Variants in CTNNBIP1 observed in about 807,000 individuals in gnomAD.
The protein encoded by CTNNBIP1 is catenin beta interacting protein 1, also known as beta-catenin-interacting protein 1.
In CTNNBIP1, 7 loss-of-function variants were observed where a neutral mutation model predicts 11.8. The ratio of observed to expected loss-of-function variants is 0.60; its 90% CI spans 0.34 to 1.12. The LOEUF is 1.12. CTNNBIP1 is among the 50% of genes most tolerant of loss of function. CTNNBIP1 has a pLI of 0.03. For missense variants in CTNNBIP1, 101 were observed against 113.4 expected (o/e 0.89, Z 0.50); for synonymous variants, 58 against 43.9 (o/e 1.32, Z -1.26).
intron 1 of CTNNBIP1, among the ~76,000 whole-genome samples, chr1:9,898,832 TATTC>T (rs1162681497): frequency 1.3e-5 from 2 of 152,210 alleles, no homozygotes; most frequent in Non-Finnish European, 2.9e-5. Flanking sequence ...ATCTCTAGAT[TATTC>T]ACAGTACCTG....
At chr1:9,884,672 C>T (rs1437198318) in intron 1 of CTNNBIP1, among the ~76,000 whole-genome samples, 4 of 152,102 alleles carry the variant, frequency 2.6e-5, no homozygotes, top group Admixed American at 6.5e-5. Flanking sequence ...GCCCCAAATG[C>T]GTATGTACAT....
intron 1 of CTNNBIP1, among the ~76,000 whole-genome samples, chr1:9,899,139 G>C (rs1639470518): frequency 6.6e-6 from 1 of 152,156 alleles, no homozygotes; most frequent in African/African-American, 2.4e-5. Context: ...CTGACTAAGA[G>C]ATGGTTCATA....
chr1:9,878,441 C>A (rs2101497108), intron 2 of CTNNBIP1, among the ~76,000 whole-genome samples: 1 of 152,328 alleles, frequency 6.6e-6, no homozygotes, highest in Admixed American at 6.5e-5. Flanking sequence ...CACCCCGCAG[C>A]CTCTGTGCTC....
Position 9,878,026 on chromosome 1 carries a change from G to A in CTNNBIP1, c.-109-37C>T, listed in dbSNP as rs142054057. On this transcript the variant is annotated intron_variant, in intron 2 of 5. Coordinates refer to ENST00000377263, the MANE Select transcript of CTNNBIP1 (RefSeq NM_020248.3). The stretch of plus-strand genomic sequence containing the variant: ...CAGAACACAGGTTGTGGGAGGAGTC[G>A]GGAGGGCCCAGGCAGCTGCCAGGGC... The A allele has an allele frequency of 1.5e-3, 230 of 152,860 alleles. 1 individual carries two copies. The highest frequency in any genetic ancestry group is 4.9e-3 in the African/African-American group (204 of 41,566). The allele number at this position is 152,860 out of a possible 1,614,324, so 9.5% of individuals were successfully genotyped here. A position where few individuals can be genotyped will look rare whatever the true frequency, so the allele number is the denominator to read the frequency against.
chr1:9,871,401 T>C lies in CTNNBIP1; in HGVS notation c.97-124A>G. The C allele has an allele frequency of 1.3e-6, 1 of 744,560 alleles. No homozygotes were observed. The allele number at this position is 744,560 out of a possible 1,614,324, so 46.1% of individuals were successfully genotyped here. A position where few individuals can be genotyped will look rare whatever the true frequency, so the allele number is the denominator to read the frequency against. On this transcript the variant is annotated intron_variant, in intron 4 of 5. Transcript: ENST00000377263. The surrounding 1 kb of genome is among the most constrained non-coding windows in gnomAD (Gnocchi z 5.2). The stretch of plus-strand genomic sequence containing the variant: ...CTTGGTCCCTGCTCGGGCTTCTGTT[T>C]CTGAGATTTGACCCCTTTGCTTTCA...
At chr1:9,882,231 C>T (rs1557758123) in intron 2 of CTNNBIP1, among the ~76,000 whole-genome samples, 1 of 152,156 alleles carries the variant, frequency 6.6e-6, no homozygotes. Flanking sequence ...GCACAAGACA[C>T]AGAAGTTCAG....
intron 1 of CTNNBIP1, among the ~76,000 whole-genome samples, chr1:9,903,524 G>A (rs1393411942): frequency 6.6e-6 from 1 of 152,150 alleles, no homozygotes; most frequent in Non-Finnish European, 1.5e-5. Context: ...TTTTAACAAG[G>A]CTTCATGGAA....
rs748780168 is a variant in CTNNBIP1, at chr1:9,872,919, G to A, written c.-24-831C>T. The stretch of plus-strand genomic sequence containing the variant: ...AACTCCTGGATGAGTCAGAAATAAC[G>A]CAGCAGCTGCTGGGGTGGAGCCTTA... On this transcript the variant is annotated intron_variant, in intron 3 of 5. Coordinates refer to ENST00000377263, the MANE Select transcript of CTNNBIP1 (RefSeq NM_020248.3). The surrounding 1 kb of genome is among the most constrained non-coding windows in gnomAD (Gnocchi z 4.0). Among the ~76,000 whole-genome samples the A allele has an allele frequency of 6.6e-6, 1 of 152,146 alleles. No individual in the cohort carries two copies. Among genetic ancestry groups the A allele is most frequent in the South Asian group, 2.1e-4 (1 of 4,832 alleles).
rs531286173 is a variant in CTNNBIP1 at position 9,885,683 on chromosome 1, C to A, written c.-143-1945G>T. ...AAGAGGACAGGTGCGGTGGCTCAGACCTGTAATCCCAGAACTTTGGGAGGC... is the reference window on the plus strand; with the variant it reads ...AAGAGGACAGGTGCGGTGGCTCAGAACTGTAATCCCAGAACTTTGGGAGGC... On this transcript the variant is annotated intron_variant, in intron 1 of 5. Transcript: ENST00000377263. 1.4e-4 allele frequency among the ~76,000 whole-genome samples: 22 copies of A among 151,806 alleles called. No individual in the cohort carries two copies. In the South Asian group the frequency reaches 1.7e-3, roughly 12 times the overall value.
intron 1 of CTNNBIP1, among the ~76,000 whole-genome samples, chr1:9,886,880 A>C (rs1471126923): frequency 1.3e-5 from 2 of 152,164 alleles, no homozygotes; most frequent in African/African-American, 2.4e-5. Flanking sequence ...AAACTGCAAC[A>C]ACCTCCCAGA....
intron 2 of CTNNBIP1, among the ~76,000 whole-genome samples, chr1:9,879,938 A>G (rs1639048017): frequency 1.3e-5 from 2 of 152,206 alleles, no homozygotes; most frequent in Non-Finnish European, 1.5e-5. Flanking sequence ...CTAACCAAAC[A>G]GCAGCATATT....
intron 1 of CTNNBIP1, among the ~76,000 whole-genome samples, chr1:9,892,433 A>G (rs1400113980): frequency 1.3e-5 from 2 of 151,158 alleles, no homozygotes; most frequent in Non-Finnish European, 3.0e-5. Context: ...AAAAAAAAAA[A>G]AAAAAAGATT....
chr1:9,904,979 G>A lies in CTNNBIP1; in HGVS notation c.-144+5116C>T, dbSNP rs77661536. On this transcript the variant is annotated intron_variant, in intron 1 of 5. Transcript: ENST00000377263. ...TAGCTGATGCTTCCCTCATCTTCAGGGGACCAGGCCAGAGAAATAAGGAAC... is the reference window on the plus strand; with the variant it reads ...TAGCTGATGCTTCCCTCATCTTCAGAGGACCAGGCCAGAGAAATAAGGAAC... Among the ~76,000 whole-genome samples, 1,313 of 152,174 alleles carry A rather than the reference G, an allele frequency of 8.6e-3. 20 individuals carry two copies. Among genetic ancestry groups the A allele is most frequent in the African/African-American group, 0.029 (1,221 of 41,510 alleles).
chr1:9,891,303 G>A (rs1385799957), intron 1 of CTNNBIP1, among the ~76,000 whole-genome samples: 2 of 152,110 alleles, frequency 1.3e-5, no homozygotes, highest in African/African-American at 2.4e-5. Flanking sequence ...CCCATTGCCT[G>A]AGGGTCACCC....
At chr1:9,908,192 G>A (rs1457240713) in intron 1 of CTNNBIP1, among the ~76,000 whole-genome samples, 1 of 151,506 alleles carries the variant, frequency 6.6e-6, no homozygotes, top group Non-Finnish European at 1.5e-5. Flanking sequence ...CCAAGTAGCT[G>A]GGACTACAGG....
chr1:9,868,978 C>T (rs1460847798), intron 5 of CTNNBIP1, among the ~76,000 whole-genome samples: 1 of 151,724 alleles, frequency 6.6e-6, no homozygotes, highest in African/African-American at 2.4e-5. Flanking sequence ...GGTATATATT[C>T]CACCAGCTTC....
At chr1:9,888,030 G>T (rs1446016425) in intron 1 of CTNNBIP1, among the ~76,000 whole-genome samples, 3 of 151,728 alleles carry the variant, frequency 2.0e-5, no homozygotes, top group Non-Finnish European at 4.4e-5. Flanking sequence ...CACCATGTTG[G>T]CTAGGCTGGT....
intron 5 of CTNNBIP1, among the ~76,000 whole-genome samples, chr1:9,860,618 C>CA (rs35598626): frequency 0.34 from 34,086 of 100,818 alleles, 6,214 homozygotes; most frequent in African/African-American, 0.57. Flanking sequence ...CTTCATCTCT[C>CA]AAAAAAAAAA....
At chr1:9,855,925 C>A (rs900121588) in intron 5 of CTNNBIP1, among the ~76,000 whole-genome samples, 8 of 151,890 alleles carry the variant, frequency 5.3e-5, no homozygotes, top group Non-Finnish European at 1.2e-4. Context: ...GTGGGCAGAT[C>A]ACTTGAAGTC....
Sources: allele counts gnomAD v4.1 joint callset (sites outside exome capture counted in the v4.1 genomes callset), GRCh38; gene constraint gnomAD v4.1.1; non-coding constraint Gnocchi (gnomAD v3.1); transcripts MANE v1.5; gene names NCBI Gene and HGNC (gene_info 2026-07-23, HGNC 2026-07-21).